Variants in MYO18B observed in about 807,000 individuals in gnomAD.
MYO18B encodes the protein myosin XVIIIB.
A neutral mutation model predicts 273.0 loss-of-function variants in MYO18B; 204 were observed. That is an observed-to-expected ratio of 0.75 (90% CI 0.67 to 0.84). The LOEUF (loss-of-function observed/expected upper bound fraction) is 0.84, where lower values mean the gene tolerates loss of function less well. Among genes scored for constraint, MYO18B ranks in the 40% least tolerant of loss-of-function variants. MYO18B has a pLI of 0.00. For missense variants in MYO18B, 3,212 were observed against 3,287.6 expected (o/e 0.98, Z 0.56); for synonymous variants, 1,330 against 1,305.7 (o/e 1.02, Z -0.40).
At chr22:25,792,759 G>A (rs997627603) in intron 11 of MYO18B, among the ~76,000 whole-genome samples, 2 of 152,142 alleles carry the variant, frequency 1.3e-5, no homozygotes, top group Non-Finnish European at 2.9e-5. Context: ...CCAAAGTGCT[G>A]GGATTACAGG....
chr22:25,995,586 G>A (rs185240255), intron 40 of MYO18B, among the ~76,000 whole-genome samples: 37 of 152,230 alleles, frequency 2.4e-4, no homozygotes, highest in African/African-American at 8.4e-4. Context: ...AAAACAAGAA[G>A]CAAGGGACAG....
At position 25,950,380 on chromosome 22, in the gene MYO18B, T is replaced by C; in HGVS notation, c.5762T>C (p.Ile1921Thr). The change falls in exon 37 of 44, where the codon ATT (isoleucine) becomes ACT (threonine). Residue 1921 changes from isoleucine to threonine, a missense_variant. Transcript: ENST00000335473. ...KDLIAQSAAD[I>T]GQIQELQLQL... ...TTGTCTCACCAGTCTGCTGCTGACA[T>C]TGGGCAGATCCAAGAACTGCAGCTG... 2 of 1,604,104 alleles carry C rather than the reference T, an allele frequency of 1.2e-6. No individual in the cohort carries two copies. Among genetic ancestry groups the C allele is most frequent in the African/African-American group, 1.3e-5 (1 of 74,550 alleles).
At chr22:26,008,850 C>T (rs1045108273) in intron 42 of MYO18B, among the ~76,000 whole-genome samples, 1 of 152,210 alleles carries the variant, frequency 6.6e-6, no homozygotes, top group Non-Finnish European at 1.5e-5. Flanking sequence ...AGTGCGAGGG[C>T]AGTGAGGCTC....
chr22:26,037,281 A>T, the MYO18B span, among the ~76,000 whole-genome samples: 1 of 152,056 alleles, frequency 6.6e-6, no homozygotes, highest in Non-Finnish European at 1.5e-5. Flanking sequence ...TTTCTTCTCG[A>T]GTAATAAGGG....
At chr22:25,837,808 C>T (rs2089951798) in intron 17 of MYO18B, among the ~76,000 whole-genome samples, 2 of 152,218 alleles carry the variant, frequency 1.3e-5, no homozygotes, top group Non-Finnish European at 2.9e-5. Context: ...GCAGAGCTGA[C>T]TTCTCTGCCC....
chr22:25,742,694 G>T (rs553963996), intron 1 of MYO18B, among the ~76,000 whole-genome samples: 192 of 152,334 alleles, frequency 1.3e-3, no homozygotes, highest in African/African-American at 4.4e-3. Flanking sequence ...CTGGTGTTCA[G>T]TTATGGTCGG....
intron 3 of MYO18B, among the ~76,000 whole-genome samples, chr22:25,765,462 C>T (rs1345948422): frequency 6.6e-6 from 1 of 152,180 alleles, no homozygotes; most frequent in African/African-American, 2.4e-5. Context: ...TCTCCTAGGG[C>T]TACCCAGTCA....
At chr22:25,862,775 C>A (rs1462061495) in intron 21 of MYO18B, among the ~76,000 whole-genome samples, 1 of 150,818 alleles carries the variant, frequency 6.6e-6, no homozygotes, top group Non-Finnish European at 1.5e-5. Flanking sequence ...TATAATAAAT[C>A]TTGGGGTGGC....
intron 39 of MYO18B, chr22:25,983,339 A>T (rs2093168773): frequency 1.3e-5 from 2 of 152,198 alleles, no homozygotes; most frequent in South Asian, 4.1e-4. Context: ...ACTGCATTCT[A>T]GCTTGGGTGA....
At position 25,843,815 on chromosome 22, in the gene MYO18B, G is replaced by A. The variant is rs753957467; in HGVS notation, c.3289G>A (p.Asp1097Asn). The change falls in exon 18 of 44, where the codon GAC (aspartate) becomes AAC (asparagine). Residue 1097 changes from aspartate (D) to asparagine (N), a missense_variant. Physicochemically the swap from Asp to Asn is conservative, Grantham distance 23. Transcript: ENST00000335473. ...GTTGGGATGGGACCCTGTGCGGTACGACCTCACGGGCTGGCTCCACAGAGC... is the reference window on the plus strand; with the variant it reads ...GTTGGGATGGGACCCTGTGCGGTACAACCTCACGGGCTGGCTCCACAGAGC... ...HQLGWDPVRY[D>N]LTGWLHRAKP... 7 of 1,613,806 alleles carry A rather than the reference G, an allele frequency of 4.3e-6. No homozygotes were observed. Among genetic ancestry groups the A allele is most frequent in the East Asian group, 2.2e-5 (1 of 44,868 alleles).
intron 28 of MYO18B, chr22:25,897,010 A>G (rs561213806): frequency 6.6e-6 from 1 of 152,088 alleles, no homozygotes; most frequent in East Asian, 1.9e-4. Context: ...GGGACTTTGC[A>G]TGTGCTATTT....
chr22:25,807,939 C>T (rs1161661032), intron 12 of MYO18B, among the ~76,000 whole-genome samples: 1 of 151,910 alleles, frequency 6.6e-6, no homozygotes, highest in Non-Finnish European at 1.5e-5. Flanking sequence ...TGCTGTTTGC[C>T]AAGAGCTTTG....
At chr22:25,773,142 G>A (rs1039086786) in intron 7 of MYO18B, among the ~76,000 whole-genome samples, 5 of 152,196 alleles carry the variant, frequency 3.3e-5, no homozygotes, top group African/African-American at 9.7e-5. Context: ...GTGGACGCAC[G>A]AGGCACCTCA....
chr22:25,824,506 A>G (rs898715344), intron 13 of MYO18B, among the ~76,000 whole-genome samples: 4 of 152,162 alleles, frequency 2.6e-5, no homozygotes, highest in Non-Finnish European at 5.9e-5. Flanking sequence ...CTGGGTCCCA[A>G]GTCTGCAGCC....
chr22:25,935,594 GA>G (rs1569209207), intron 34 of MYO18B, among the ~76,000 whole-genome samples: 8 of 126,854 alleles, frequency 6.3e-5, no homozygotes, highest in Admixed American at 3.7e-4. Context: ...GAGAAAAGAA[GA>G]GAAAAAAAAA....
chr22:25,963,788 G>A (rs776028601), intron 39 of MYO18B, among the ~76,000 whole-genome samples: 1 of 151,686 alleles, frequency 6.6e-6, no homozygotes, highest in South Asian at 2.1e-4. Flanking sequence ...TAGCTATGGG[G>A]ATTAAATGAG....
At chr22:25,761,749 G>C (rs1318750769) in intron 2 of MYO18B, among the ~76,000 whole-genome samples, 2 of 152,152 alleles carry the variant, frequency 1.3e-5, no homozygotes, top group African/African-American at 4.8e-5. Context: ...GCTGCCTCCT[G>C]CCTGCCCCTG....
chr22:25,841,862 T>G (rs1298313561), intron 17 of MYO18B, among the ~76,000 whole-genome samples: 3 of 152,220 alleles, frequency 2.0e-5, no homozygotes, highest in Non-Finnish European at 2.9e-5. Context: ...TGTAGCATTG[T>G]AAATGCAGCA....
chr22:25,760,596 C>A (rs1205131235), intron 1 of MYO18B, among the ~76,000 whole-genome samples: 5 of 152,096 alleles, frequency 3.3e-5, no homozygotes, highest in African/African-American at 1.2e-4. Flanking sequence ...CGAATGGCTC[C>A]TCTGACTTCC....
Sources: allele counts gnomAD v4.1 joint callset (sites outside exome capture counted in the v4.1 genomes callset), GRCh38; gene constraint gnomAD v4.1.1; transcripts MANE v1.5; gene names NCBI Gene and HGNC (gene_info 2026-07-23, HGNC 2026-07-21).